The following FAM163A variants were observed in gnomAD, a reference collection of about 807,000 sequenced individuals.
FAM163A encodes protein FAM163A.
A neutral mutation model predicts 12.0 loss-of-function variants in FAM163A; 7 were observed. The observed-to-expected ratio is 0.58, with a 90% CI of 0.33 to 1.10. The LOEUF (loss-of-function observed/expected upper bound fraction) is 1.10, where lower values mean the gene tolerates loss of function less well. FAM163A is among the 50% of genes least tolerant of loss of function. FAM163A has a pLI of 0.03. For missense variants in FAM163A, 202 were observed against 218.6 expected, an observed-to-expected ratio of 0.92 and a Z score of 0.48; for synonymous variants, 101 against 91.0, an observed-to-expected ratio of 1.11 and a Z score of -0.62.
intron 1 of FAM163A, among the ~76,000 whole-genome samples, chr1:179,775,566 G>A (rs978768945): frequency 6.6e-6 from 1 of 152,154 alleles, no homozygotes; most frequent in Non-Finnish European, 1.5e-5. Flanking sequence ...CCCTGTCAAA[G>A]CCCAGCACAC....
chr1:179,760,079 G>C (rs904268838), intron 1 of FAM163A, among the ~76,000 whole-genome samples: 9 of 152,206 alleles, frequency 5.9e-5, no homozygotes, highest in African/African-American at 1.9e-4. Flanking sequence ...AAGATCATCT[G>C]TCTGCTGAGT....
At chr1:179,737,561 C>T in the FAM163A span, among the ~76,000 whole-genome samples, 2 of 152,124 alleles carry the variant, frequency 1.3e-5, no homozygotes, top group Non-Finnish European at 2.9e-5. Flanking sequence ...AGCAGCTGGG[C>T]GCGGTGGCTC....
intron 1 of FAM163A, among the ~76,000 whole-genome samples, chr1:179,777,130 C>T (rs1357528314): frequency 1.3e-5 from 2 of 152,174 alleles, no homozygotes; most frequent in African/African-American, 2.4e-5. Flanking sequence ...TCCATGAACA[C>T]TGTTTCCACC....
At chr1:179,739,652 C>G (rs1200847786), upstream of FAM163A, among the ~76,000 whole-genome samples, 1 of 152,024 alleles carries the variant, frequency 6.6e-6, no homozygotes, top group Non-Finnish European at 1.5e-5. Flanking sequence ...ACTGGACACC[C>G]CTTATCTAGA....
intron 1 of FAM163A, among the ~76,000 whole-genome samples, chr1:179,782,493 A>C (rs1689930328): frequency 6.7e-6 from 1 of 149,672 alleles, no homozygotes; most frequent in African/African-American, 2.4e-5. Flanking sequence ...GACGGGATGG[A>C]GACTCCTCTG....
intron 1 of FAM163A, among the ~76,000 whole-genome samples, chr1:179,785,771 T>C (rs182961333): frequency 1.3e-5 from 2 of 152,374 alleles, no homozygotes; most frequent in Admixed American, 6.5e-5. Context: ...AAGAGTGTCA[T>C]TTACTAATAC....
intron 1 of FAM163A, among the ~76,000 whole-genome samples, chr1:179,750,096 T>C (rs1364590885): frequency 1.3e-5 from 2 of 152,064 alleles, no homozygotes; most frequent in Non-Finnish European, 2.9e-5. Flanking sequence ...AATCAGAAGG[T>C]TGTTGATGAC....
At chr1:179,736,800 A>G in the FAM163A span, among the ~76,000 whole-genome samples, 4 of 151,824 alleles carry the variant, frequency 2.6e-5, no homozygotes, top group Non-Finnish European at 5.9e-5. Context: ...ACAAAGCAAG[A>G]CTCAGTCTCA....
At chr1:179,769,024 A>G (rs1687902024) in intron 1 of FAM163A, among the ~76,000 whole-genome samples, 1 of 152,252 alleles carries the variant, frequency 6.6e-6, no homozygotes, top group African/African-American at 2.4e-5. Flanking sequence ...GTGATTATAA[A>G]TTAAACATGA....
the FAM163A span, among the ~76,000 whole-genome samples, chr1:179,735,500 T>TTTC: frequency 7.8e-6 from 1 of 127,856 alleles, no homozygotes; most frequent in Admixed American, 7.8e-5. Flanking sequence ...ACATTCTTTT[T>TTTC]TTTTTTTTTT....
chr1:179,813,817 C>T lies in FAM163A; in HGVS notation c.132C>T (p.Asp44=). The T allele has an allele frequency of 6.2e-7, 1 of 1,613,972 alleles. No individual in the cohort carries two copies. Among genetic ancestry groups the T allele is most frequent in the Non-Finnish European group, 8.5e-7 (1 of 1,180,010 alleles). ...CCKKSGTEVA[D]EEEEREHDLP... ...AGAAGAGCGGAACCGAGGTTGCAGA[C>T]GAGGAGGAGGAGCGGGAGCACGACC... Residue 44 remains aspartate (D), a synonymous_variant, in exon 5 of 5, where the codon GAC becomes GAT. Coordinates refer to ENST00000341785, the MANE Select transcript of FAM163A (RefSeq NM_173509.3).
chr1:179,739,361 G>T (rs1683364762), upstream of FAM163A, among the ~76,000 whole-genome samples: 1 of 152,158 alleles, frequency 6.6e-6, no homozygotes, highest in Non-Finnish European at 1.5e-5. Flanking sequence ...CATGTAAAGA[G>T]GATGAAAAGA....
At chr1:179,770,666 G>A (rs561880175) in intron 1 of FAM163A, among the ~76,000 whole-genome samples, 2 of 151,972 alleles carry the variant, frequency 1.3e-5, no homozygotes, top group East Asian at 3.9e-4. Context: ...CCTCTGCCTG[G>A]AACACTCTCC....
intron 1 of FAM163A, among the ~76,000 whole-genome samples, chr1:179,798,522 G>C (rs138079438): frequency 6.6e-6 from 1 of 152,328 alleles, no homozygotes; most frequent in Non-Finnish European, 1.5e-5. Context: ...CCTGCCCCTG[G>C]GCTTTTCACA....
chr1:179,792,367 C>T (rs1337117194), intron 1 of FAM163A, among the ~76,000 whole-genome samples: 1 of 151,456 alleles, frequency 6.6e-6, no homozygotes, highest in Admixed American at 6.6e-5. Flanking sequence ...TGATCTCAAA[C>T]TCCTGTGCTC....
intron 1 of FAM163A, among the ~76,000 whole-genome samples, chr1:179,755,211 T>G (rs143468710): frequency 3.5e-4 from 52 of 149,288 alleles, no homozygotes; most frequent in African/African-American, 1.3e-3. Flanking sequence ...AGTTTGAGTG[T>G]AGAAGTGGGG....
intron 1 of FAM163A, among the ~76,000 whole-genome samples, chr1:179,798,748 A>G (rs1284327601): frequency 6.6e-6 from 1 of 152,176 alleles, no homozygotes; most frequent in African/African-American, 2.4e-5. Context: ...CAGCTCAAAA[A>G]TGTTCCCCAA....
intron 2 of FAM163A, among the ~76,000 whole-genome samples, chr1:179,810,029 A>G (rs1694491269): frequency 6.6e-6 from 1 of 152,172 alleles, no homozygotes; most frequent in Non-Finnish European, 1.5e-5. Context: ...TGTCAGAGTC[A>G]TAACTGCCAG....
intron 1 of FAM163A, among the ~76,000 whole-genome samples, chr1:179,744,686 G>A (rs1684198268): frequency 6.6e-6 from 1 of 152,118 alleles, no homozygotes; most frequent in Non-Finnish European, 1.5e-5. Context: ...ACCTGCAGGC[G>A]GAGGCCCGCA....
Sources: allele counts gnomAD v4.1 joint callset (sites outside exome capture counted in the v4.1 genomes callset), GRCh38; gene constraint gnomAD v4.1.1; transcripts MANE v1.5; gene names NCBI Gene and HGNC (gene_info 2026-07-23, HGNC 2026-07-21).